Variants in CACNA1E observed in about 807,000 individuals in gnomAD.
CACNA1E encodes the protein voltage-dependent R-type calcium channel subunit alpha-1E.
A neutral mutation model predicts 259.2 loss-of-function variants in CACNA1E; 40 were observed. The observed-to-expected ratio is 0.15, with a 90% CI of 0.12 to 0.20. The LOEUF is 0.20. Ranked by LOEUF, CACNA1E falls within the 10% of genes least tolerant of loss-of-function variation. CACNA1E has a pLI of 1.00. For missense variants in CACNA1E, 1,874 were observed against 3,040.1 expected, an observed-to-expected ratio of 0.62 and a Z score of 9.02; for synonymous variants, 1,104 against 1,138.5, an observed-to-expected ratio of 0.97 and a Z score of 0.61.
intron 3 of CACNA1E, among the ~76,000 whole-genome samples, chr1:181,558,257 G>A (rs1648948687): frequency 6.6e-6 from 1 of 152,180 alleles, no homozygotes; most frequent in African/African-American, 2.4e-5. Context: ...CAGGAACACT[G>A]TGTTCCTGGA....
At chr1:181,551,900 C>T (rs746360199) in intron 3 of CACNA1E, among the ~76,000 whole-genome samples, 4 of 152,052 alleles carry the variant, frequency 2.6e-5, no homozygotes, top group Non-Finnish European at 5.9e-5. Context: ...CCCCTCCTTT[C>T]CTTGCATCCT....
intron 41 of CACNA1E, 54 bp downstream of exon 41, chr1:181,784,822 T>G: frequency 9.0e-7 from 1 of 1,107,694 alleles, no homozygotes; most frequent in Non-Finnish European, 1.3e-6. Context: ...ATGTGAAGAC[T>G]ACGTCTTTGG....
intron 4 of CACNA1E, among the ~76,000 whole-genome samples, chr1:181,578,071 A>G (rs1041933579): frequency 6.6e-6 from 1 of 152,254 alleles, no homozygotes; most frequent in Non-Finnish European, 1.5e-5. Context: ...AAGATAATAG[A>G]AAATCTTTAC....
chr1:181,570,940 C>A (rs934815536), intron 3 of CACNA1E, among the ~76,000 whole-genome samples: 2 of 152,200 alleles, frequency 1.3e-5, no homozygotes, highest in African/African-American at 4.8e-5. Context: ...CCTCTTTTCC[C>A]AGCCTGGTCT....
intron 8 of CACNA1E, among the ~76,000 whole-genome samples, chr1:181,713,714 C>T (rs908489175): frequency 3.9e-5 from 6 of 152,144 alleles, no homozygotes; most frequent in African/African-American, 1.2e-4. Flanking sequence ...TTAACGAGGC[C>T]TCTGGCTCCC....
At chr1:181,470,938 C>A (rs920817750) in intron 2 of CACNA1E, among the ~76,000 whole-genome samples, 5 of 152,160 alleles carry the variant, frequency 3.3e-5, no homozygotes, top group Admixed American at 6.5e-5. Flanking sequence ...ACAAAATACT[C>A]TAGAACGGGT....
chr1:181,636,829 T>G (rs199967), intron 6 of CACNA1E, among the ~76,000 whole-genome samples: 147,210 of 152,242 alleles, frequency 0.97, 71,363 homozygotes, highest in Non-Finnish European at 1. Flanking sequence ...GACCAGTCTT[T>G]CCATCTAGAG....
chr1:181,660,809 C>T (rs1043644604), intron 7 of CACNA1E, among the ~76,000 whole-genome samples: 1 of 152,158 alleles, frequency 6.6e-6, no homozygotes, highest in Non-Finnish European at 1.5e-5. Flanking sequence ...GACTGGCTAA[C>T]ATAAGGGAGA....
chr1:181,364,022 C>T (rs555314772), intron 1 of CACNA1E, among the ~76,000 whole-genome samples: 3 of 152,274 alleles, frequency 2.0e-5, no homozygotes, highest in East Asian at 1.9e-4. Flanking sequence ...GTGATATTCA[C>T]GGGGACTGGA....
intron 8 of CACNA1E, among the ~76,000 whole-genome samples, chr1:181,713,341 G>T (rs1249492907): frequency 6.6e-6 from 1 of 152,190 alleles, no homozygotes; most frequent in East Asian, 1.9e-4. Context: ...ATTTTTAAAT[G>T]ATGCCCTCCA....
At chr1:181,692,058 C>A (rs73043440) in intron 7 of CACNA1E, among the ~76,000 whole-genome samples, 2,191 of 152,104 alleles carry the variant, frequency 0.014, 41 homozygotes, top group African/African-American at 0.046. Flanking sequence ...ACACAATCCC[C>A]TTTACAATGG....
intron 3 of CACNA1E, among the ~76,000 whole-genome samples, chr1:181,548,827 T>C (rs185583188): frequency 6.6e-6 from 1 of 152,342 alleles, no homozygotes; most frequent in African/African-American, 2.4e-5. Flanking sequence ...TTTCGTCTTA[T>C]CCATCATGTT....
chr1:181,733,567 G>A lies in CACNA1E; in HGVS notation c.3079G>A (p.Glu1027Lys). 1 of 1,613,240 alleles carries A rather than the reference G, an allele frequency of 6.2e-7. No homozygotes were observed. Among genetic ancestry groups the A allele is most frequent in the African/African-American group, 1.3e-5 (1 of 75,038 alleles). The change falls in exon 21 of 48, where the codon GAA becomes AAA. Residue 1027 changes from glutamate (E) to lysine (K), a missense_variant. Physicochemically the swap from Glu to Lys is moderately conservative, Grantham distance 56. Around this residue, in one of 14 missense-constraint regions of CACNA1E, gnomAD observed 476 missense variants for 514.0 expected, o/e 0.93. Coordinates refer to ENST00000367573, the MANE Select transcript of CACNA1E (RefSeq NM_001205293.3). ...KHVVLTEQEPEGSSEQALLGN... is the reference protein window; with the variant it reads ...KHVVLTEQEPKGSSEQALLGN... Reference sequence around the variant, plus strand: ...CGTGGTGCTGACGGAGCAGGAGCCAGAAGGCAGCAGTGAGCAGGCCCTGCT... The same window carrying A: ...CGTGGTGCTGACGGAGCAGGAGCCAAAAGGCAGCAGTGAGCAGGCCCTGCT...
At chr1:181,370,376 T>A (rs1331827036) in intron 1 of CACNA1E, among the ~76,000 whole-genome samples, 2 of 151,652 alleles carry the variant, frequency 1.3e-5, no homozygotes, top group African/African-American at 4.8e-5. Flanking sequence ...TACAAATGAT[T>A]TCTTCATGCC....
chr1:181,575,806 A>T lies in CACNA1E; in HGVS notation c.513-1960A>T, dbSNP rs1371206343. 2.0e-5 allele frequency among the ~76,000 whole-genome samples: 3 copies of T among 152,300 alleles called. No individual in the cohort carries two copies. The East Asian group carries it at 5.8e-4, about 29-fold the overall frequency. On this transcript the variant is annotated intron_variant, in intron 3 of 47. Transcript: ENST00000367573. ...GGCAGCACAGGAGACTGTGCTGTGC[A>T]CCTTACCTTTATTACAAGAACCAGC...
At chr1:181,554,380 A>C (rs1329187756) in intron 3 of CACNA1E, among the ~76,000 whole-genome samples, 1 of 152,176 alleles carries the variant, frequency 6.6e-6, no homozygotes, top group African/African-American at 2.4e-5. Context: ...ACAGACTCTG[A>C]CAGGGGTTCA....
intron 7 of CACNA1E, among the ~76,000 whole-genome samples, chr1:181,687,176 T>C (rs1356588805): frequency 6.6e-6 from 1 of 152,174 alleles, no homozygotes; most frequent in Non-Finnish European, 1.5e-5. Flanking sequence ...GCCGAGACCC[T>C]GGAGTCATTG....
intron 1 of CACNA1E, among the ~76,000 whole-genome samples, chr1:181,365,718 T>C (rs910910868): frequency 6.6e-6 from 1 of 152,232 alleles, no homozygotes; most frequent in African/African-American, 2.4e-5. Context: ...TGTATTTGCT[T>C]TGTTGGGCAC....
At chr1:181,524,410 C>T (rs1196379303) in intron 3 of CACNA1E, among the ~76,000 whole-genome samples, 2 of 152,190 alleles carry the variant, frequency 1.3e-5, no homozygotes, top group African/African-American at 4.8e-5. Context: ...CTGGTCCAGG[C>T]TATAGGAGTC....
Sources: allele counts gnomAD v4.1 joint callset (sites outside exome capture counted in the v4.1 genomes callset), GRCh38; gene constraint gnomAD v4.1.1; regional missense constraint gnomAD v4.1.1; transcripts MANE v1.5; gene names NCBI Gene and HGNC (gene_info 2026-07-23, HGNC 2026-07-21).